The following TMEM26 variants were observed in gnomAD, a reference collection of about 807,000 sequenced individuals.
TMEM26 encodes the protein transmembrane protein 26.
TMEM26 carries 38 observed loss-of-function variants against 28.8 expected under a neutral mutation model. The observed-to-expected ratio is 1.32, with a 90% CI of 1.02 to 1.73. The LOEUF is 1.73. TMEM26 is among the 40% of genes most tolerant of loss of function. TMEM26 has a pLI of 0.00. For synonymous variants in TMEM26, 227 were observed against 182.9 expected (o/e 1.24, Z -1.95); for missense variants, 518 against 447.1 (o/e 1.16, Z -1.43).
At chr10:61,442,912 ACTC>A (rs1366205491) in intron 1 of TMEM26, among the ~76,000 whole-genome samples, 2 of 152,044 alleles carry the variant, frequency 1.3e-5, no homozygotes, top group African/African-American at 4.8e-5. Context: ...CCTCTCTTCA[ACTC>A]CTCAACGTGA....
chr10:61,435,461 G>A (rs1381539433), intron 2 of TMEM26, among the ~76,000 whole-genome samples: 4 of 152,142 alleles, frequency 2.6e-5, no homozygotes, highest in African/African-American at 9.7e-5. Flanking sequence ...TTATAGGCAT[G>A]AGCCACCACG....
chr10:61,418,056 T>C (rs971665749), intron 4 of TMEM26, among the ~76,000 whole-genome samples: 1 of 151,940 alleles, frequency 6.6e-6, no homozygotes, highest in Non-Finnish European at 1.5e-5. Context: ...TTCATTCCCC[T>C]ATCCCCAGCT....
At chr10:61,428,592 C>G (rs951676063) in intron 4 of TMEM26, among the ~76,000 whole-genome samples, 6 of 151,976 alleles carry the variant, frequency 3.9e-5, no homozygotes, top group African/African-American at 1.4e-4. Context: ...AAAAGAGGAG[C>G]TGGGGATGGT....
Position 61,408,729 on chromosome 10 carries a change from C to T in TMEM26, c.*1593G>A, listed in dbSNP as rs1437023859. ...ATTATGGAAAATCATAAATGTATTC[C>T]ATTAGTTCCATGTGTCATTTTATAG... is the stretch of plus-strand genomic sequence containing the variant. On this transcript the variant is annotated 3_prime_UTR_variant, in exon 6 of 6. Transcript: ENST00000399298. 2 of 151,972 alleles carry T rather than the reference C, an allele frequency of 1.3e-5. No individual in the cohort carries two copies. Among genetic ancestry groups the T allele is most frequent in the African/African-American group, 4.8e-5 (2 of 41,368 alleles). The allele number at this position is 151,972 out of a possible 1,614,324, so 9.4% of individuals were successfully genotyped here.
chr10:61,431,365 A>C, intron 2 of TMEM26, 33 bp from the exon 3 acceptor site: 1 of 1,499,020 alleles, frequency 6.7e-7, no homozygotes, highest in East Asian at 2.3e-5. Context: ...CAATTATGGC[A>C]AAAAATTAGC....
At chr10:61,431,080 T>A (rs74673398) in intron 3 of TMEM26, 139 bp downstream of exon 3, 17,380 of 623,502 alleles carry the variant, frequency 0.028, 318 homozygotes, top group Middle Eastern at 0.047. Context: ...ATATAATTAT[T>A]TTGTGAATTC....
In TMEM26 at chr10:61,409,580, A is replaced by C. The variant is rs1839537992; in HGVS notation, c.*742T>G. 6.6e-6 allele frequency: 1 copy of C among 152,272 alleles called. No homozygotes were observed. The highest frequency in any genetic ancestry group is 2.4e-5 in the African/African-American group (1 of 41,462). The allele number at this position is 152,272 out of a possible 1,614,324, so 9.4% of individuals were successfully genotyped here. The stretch of plus-strand genomic sequence containing the variant: ...GATGAACACTGCAAATCATGTTCAG[A>C]GTAGAAATTGTGACTTTGCTAGCAT... On this transcript the variant is annotated 3_prime_UTR_variant, in exon 6 of 6. Transcript: ENST00000399298.
At chr10:61,435,903 A>T (rs1839997383) in intron 2 of TMEM26, among the ~76,000 whole-genome samples, 1 of 152,214 alleles carries the variant, frequency 6.6e-6, no homozygotes, top group Non-Finnish European at 1.5e-5. Context: ...GGTGGGGGAC[A>T]GGGGAAGTCT....
chr10:61,429,166 T>C lies in TMEM26; in HGVS notation c.385-20A>G, dbSNP rs1839881103. The C allele has an allele frequency of 1.3e-6, 2 of 1,593,880 alleles. No individual in the cohort carries two copies. The highest frequency in any genetic ancestry group is 2.2e-5 in the East Asian group (1 of 44,746). ...TTTGGCCTGTTTAACAGAAATGTCATACAGACAGGATTATCAGCCACCACC... is the reference window on the plus strand; with the variant it reads ...TTTGGCCTGTTTAACAGAAATGTCACACAGACAGGATTATCAGCCACCACC... On this transcript the variant is annotated intron_variant, in intron 3 of 5. Coordinates refer to ENST00000399298, the MANE Select transcript of TMEM26 (RefSeq NM_178505.8).
chr10:61,409,913 G>A lies in TMEM26; in HGVS notation c.*409C>T, dbSNP rs1359119240. The A allele has an allele frequency of 1.1e-5, 2 of 177,058 alleles. No individual in the cohort carries two copies. Among genetic ancestry groups the A allele is most frequent in the African/African-American group, 4.8e-5 (2 of 41,924 alleles). The allele number at this position is 177,058 out of a possible 1,614,324, so 11.0% of individuals were successfully genotyped here. On this transcript the variant is annotated 3_prime_UTR_variant, in exon 6 of 6. Transcript: ENST00000399298. ...GAATGTACATTTTTTGATGTCAGAG[G>A]AACATTGCAGAAAAGATCAGACGAA...
At chr10:61,439,661 C>T (rs538447072) in intron 1 of TMEM26, among the ~76,000 whole-genome samples, 1 of 152,286 alleles carries the variant, frequency 6.6e-6, no homozygotes, top group South Asian at 2.1e-4. Context: ...AATTCACAAC[C>T]TTCCCTGAAA....
intron 1 of TMEM26, among the ~76,000 whole-genome samples, chr10:61,449,485 T>G (rs1002044206): frequency 6.6e-6 from 1 of 152,220 alleles, no homozygotes; most frequent in Non-Finnish European, 1.5e-5. Context: ...ACTGGATAAG[T>G]GTCATATGTT....
intron 1 of TMEM26, among the ~76,000 whole-genome samples, chr10:61,447,991 A>G (rs143043364): frequency 1.3e-5 from 2 of 152,352 alleles, no homozygotes; most frequent in African/African-American, 4.8e-5. Context: ...CTAAAATGTG[A>G]GGTTTGCGAG....
Position 61,410,051 on chromosome 10 carries a change from C to CT in TMEM26, c.*270dup. The CT allele has an allele frequency of 2.2e-6, 1 of 446,426 alleles. No homozygotes were observed. The highest frequency in any genetic ancestry group is 4.0e-6 in the Non-Finnish European group (1 of 250,000). 27.7% of individuals were successfully genotyped at this position (446,426 alleles called of 1,614,324 possible). A position where few individuals can be genotyped will look rare whatever the true frequency, so the allele number is the denominator to read the frequency against. ...CATGTCACTGTAACCTCTTCCATAG[C>CT]TTTTCAAACAGTTCAAGACAAACAA... On this transcript the variant is annotated 3_prime_UTR_variant, in exon 6 of 6. Transcript: ENST00000399298.
chr10:61,445,375 G>C (rs999699360), intron 1 of TMEM26, among the ~76,000 whole-genome samples: 1 of 152,154 alleles, frequency 6.6e-6, no homozygotes, highest in Non-Finnish European at 1.5e-5. Context: ...CTCTTCCAGG[G>C]CTACAGCAGC....
At chr10:61,444,315 C>A (rs7893857) in intron 1 of TMEM26, among the ~76,000 whole-genome samples, 1 of 151,834 alleles carries the variant, frequency 6.6e-6, no homozygotes, top group Non-Finnish European at 1.5e-5. Context: ...ATATTGCTGC[C>A]GACTACAGGA....
chr10:61,424,260 T>C (rs1027798824), intron 4 of TMEM26, among the ~76,000 whole-genome samples: 2 of 152,090 alleles, frequency 1.3e-5, no homozygotes, highest in African/African-American at 2.4e-5. Flanking sequence ...GTTTCTATTA[T>C]AGCAATAAAA....
Position 61,428,962 on chromosome 10 carries a change from T to G in TMEM26, c.569A>C (p.Glu190Ala). 1 of 1,613,144 alleles carries G rather than the reference T, an allele frequency of 6.2e-7. No individual in the cohort carries two copies. Among genetic ancestry groups the G allele is most frequent in the Non-Finnish European group, 8.5e-7 (1 of 1,179,374 alleles). ...TTCTTCTAGGGTCTCACTTGTGAATTCCAGTATGTCAGCCGCTGTCCCCAC... is the reference window on the plus strand; with the variant it reads ...TTCTTCTAGGGTCTCACTTGTGAATGCCAGTATGTCAGCCGCTGTCCCCAC... ...MFVGTAADILEFTSETLEEQN... is the reference protein window; with the variant it reads ...MFVGTAADILAFTSETLEEQN... The change falls in exon 4 of 6, where the codon GAA (glutamate) becomes GCA (alanine). Residue 190 changes from glutamate to alanine, a missense_variant. Physicochemically the swap from Glu to Ala is moderately radical, Grantham distance 107. Transcript: ENST00000399298.
rs1839883969 is a variant in TMEM26, at chr10:61,429,274, T to C, written c.385-128A>G. The stretch of plus-strand genomic sequence containing the variant: ...GTAATTTTCAGGAGTTATTCTTTAC[T>C]TACTAAAGAAAGTAAAATGCCTTTC... On this transcript the variant is annotated intron_variant, in intron 3 of 5. Transcript: ENST00000399298. The C allele has an allele frequency of 5.5e-6, 4 of 733,434 alleles. No homozygotes were observed. The South Asian group carries it at 5.6e-5, about 10-fold the overall frequency. The allele number at this position is 733,434 out of a possible 1,614,324, so 45.4% of individuals were successfully genotyped here.
Sources: gnomAD v4.1 joint callset for allele counts (sites outside exome capture counted in the v4.1 genomes callset) on GRCh38, gnomAD v4.1.1 for gene constraint, MANE v1.5 for transcripts, NCBI Gene and HGNC (gene_info 2026-07-23, HGNC 2026-07-21) for gene names.